Variants in ZNF469 observed in about 807,000 individuals in gnomAD.
ZNF469 encodes the protein zinc finger protein 469.
Under a neutral mutation model 1.0 loss-of-function variants are expected in ZNF469, and 1 was observed. The observed-to-expected ratio is 1.00, with a 90% CI of 0.35 to 4.73. The LOEUF is 4.73. ZNF469 is among the 30% of genes most tolerant of loss of function. The probability of loss-of-function intolerance (pLI) is 0.16; values close to 1 mark genes in which losing one functional copy is unlikely to be tolerated. For missense variants in ZNF469, 6,100 were observed against 5,356.3 expected, an observed-to-expected ratio of 1.14 and a Z score of -4.33; for synonymous variants, 2,703 against 2,363.4, an observed-to-expected ratio of 1.14 and a Z score of -4.17.
At chr16:88,330,590 G>A in the ZNF469 span, among the ~76,000 whole-genome samples, 2 of 152,226 alleles carry the variant, frequency 1.3e-5, no homozygotes, top group Middle Eastern at 3.2e-3. Flanking sequence ...ATGGACAGAG[G>A]GACTAAGAAA....
chr16:88,231,623 C>T, the ZNF469 span, among the ~76,000 whole-genome samples: 2 of 152,268 alleles, frequency 1.3e-5, no homozygotes, highest in Middle Eastern at 3.4e-3. This position sits in a 1 kb window ranked among gnomAD's most constrained non-coding sequence, Gnocchi z 4.5. Context: ...CATGGCCCTT[C>T]CTCCACCTTC....
At chr16:88,184,563 G>A in the ZNF469 span, among the ~76,000 whole-genome samples, 1 of 151,866 alleles carries the variant, frequency 6.6e-6, no homozygotes, top group African/African-American at 2.4e-5. Flanking sequence ...GCTGTGGCTC[G>A]AGGTGTGGAC....
At chr16:88,292,810 A>AC in the ZNF469 span, among the ~76,000 whole-genome samples, 2 of 151,450 alleles carry the variant, frequency 1.3e-5, no homozygotes, top group East Asian at 3.9e-4. Flanking sequence ...AAAAAAAAAA[A>AC]AAAAAAAAAC....
At chr16:88,112,703 C>T in the ZNF469 span, among the ~76,000 whole-genome samples, 3 of 149,486 alleles carry the variant, frequency 2.0e-5, no homozygotes, top group Non-Finnish European at 3.0e-5. Context: ...GATGAGTAGT[C>T]TGAAAATATT....
the ZNF469 span, among the ~76,000 whole-genome samples, chr16:88,249,787 G>A: frequency 6.6e-6 from 1 of 152,076 alleles, no homozygotes; most frequent in Admixed American, 6.5e-5. Context: ...GCCCTGGCTG[G>A]TCTGGGCTCA....
the ZNF469 span, among the ~76,000 whole-genome samples, chr16:88,226,733 C>G: frequency 1.3e-5 from 2 of 148,626 alleles, no homozygotes; most frequent in Non-Finnish European, 3.0e-5. Context: ...GAAACAGGCC[C>G]TGCCCGCCCC....
At chr16:88,119,210 C>A in the ZNF469 span, among the ~76,000 whole-genome samples, 21 of 152,290 alleles carry the variant, frequency 1.4e-4, 2 homozygotes, top group South Asian at 4.1e-3. Flanking sequence ...TTGTATCAGC[C>A]GAGGCGGTCT....
chr16:88,274,443 A>T, the ZNF469 span, among the ~76,000 whole-genome samples: 2 of 152,272 alleles, frequency 1.3e-5, no homozygotes, highest in Non-Finnish European at 2.9e-5. Flanking sequence ...AGATAGAAAT[A>T]TAAGTCTCAT....
chr16:88,289,225 GTGA>G, the ZNF469 span, among the ~76,000 whole-genome samples: 1 of 107,686 alleles, frequency 9.3e-6, no homozygotes, highest in East Asian at 2.3e-4. Context: ...GATGATGAGG[GTGA>G]TGATGATGAT....
Position 88,433,976 on chromosome 16 carries a change from C to T in ZNF469, c.6506C>T (p.Ser2169Phe), listed in dbSNP as rs935820724. The change falls in exon 3 of 3, where the codon TCT (serine) becomes TTT (phenylalanine). Residue 2169 changes from serine to phenylalanine, a missense_variant. Ser to Phe is a radical substitution (Grantham distance 155). Transcript: ENST00000565624. ...PPGPQQLLAC[S>F]PAWAPLEEAD... ...GGCCCCCAGCAGCTGCTGGCCTGTTCTCCTGCCTGGGCACCTCTGGAAGAG... is the reference window on the plus strand; with the variant it reads ...GGCCCCCAGCAGCTGCTGGCCTGTTTTCCTGCCTGGGCACCTCTGGAAGAG... The T allele has an allele frequency of 1.3e-6, 2 of 1,550,174 alleles. No homozygotes were observed. The highest frequency in any genetic ancestry group is 1.4e-5 in the African/African-American group (1 of 73,060).
At chr16:88,382,198 G>A (rs963514336), upstream of ZNF469, among the ~76,000 whole-genome samples, 3 of 152,258 alleles carry the variant, frequency 2.0e-5, no homozygotes, top group African/African-American at 7.2e-5. Context: ...CCCTGTCTGG[G>A]ACAGCCGGGG....
chr16:88,433,950 C>G lies in ZNF469; in HGVS notation c.6480C>G (p.Pro2160=). The G allele has an allele frequency of 6.5e-7, 1 of 1,550,188 alleles. No individual in the cohort carries two copies. The highest frequency in any genetic ancestry group is 8.7e-7 in the Non-Finnish European group (1 of 1,146,910). ...LPASPSCRDP[P]GPQQLLACSP... is the part of the protein sequence containing the mutation. ...CATCTCCGTCCTGCAGGGACCCTCCCGGCCCCCAGCAGCTGCTGGCCTGTT... is the reference window on the plus strand; with the variant it reads ...CATCTCCGTCCTGCAGGGACCCTCCGGGCCCCCAGCAGCTGCTGGCCTGTT... Residue 2160 remains proline, a synonymous_variant, in exon 3 of 3, where the codon CCC becomes CCG. Transcript: ENST00000565624.
the ZNF469 span, among the ~76,000 whole-genome samples, chr16:88,358,700 T>C: frequency 6.6e-6 from 1 of 152,084 alleles, no homozygotes; most frequent in Non-Finnish European, 1.5e-5. Context: ...TTGTTTTAAT[T>C]AATTTATTTT....
At chr16:88,340,670 G>A in the ZNF469 span, among the ~76,000 whole-genome samples, 3 of 152,068 alleles carry the variant, frequency 2.0e-5, no homozygotes, top group African/African-American at 2.4e-5. Context: ...CTTAACAGCC[G>A]GGAGCACAGA....
Position 88,433,809 on chromosome 16 carries a change from C to G in ZNF469, c.6339C>G (p.Cys2113Trp). Residue 2113 changes from cysteine to tryptophan, a missense_variant, in exon 3 of 3, where the codon TGC (cysteine) becomes TGG (tryptophan). Cys to Trp is a radical substitution (Grantham distance 215, BLOSUM62 -2). Coordinates refer to ENST00000565624, the MANE Select transcript of ZNF469 (RefSeq NM_001367624.2). ...CCTCTGTCGGGGACCTGGCCGCCTG[C>G]GCCCCCTCACCCACTTCAGCCGCCC... is the stretch of plus-strand genomic sequence containing the variant. ...PAPSVGDLAA[C>W]APSPTSAAHM... 6.5e-7 allele frequency: 1 copy of G among 1,549,762 alleles called. No individual in the cohort carries two copies.
chr16:88,357,604 G>A, the ZNF469 span, among the ~76,000 whole-genome samples: 2 of 152,176 alleles, frequency 1.3e-5, no homozygotes, highest in Admixed American at 1.3e-4. Flanking sequence ...GCAGGGAGGC[G>A]ATGGCTGAGA....
chr16:88,396,802 G>C (rs1904685710), intron 1 of ZNF469, among the ~76,000 whole-genome samples: 1 of 149,710 alleles, frequency 6.7e-6, no homozygotes, highest in African/African-American at 2.5e-5. Context: ...CCCTTGAGAA[G>C]GGAGGCCAGG....
the ZNF469 span, among the ~76,000 whole-genome samples, chr16:88,369,158 C>A: frequency 6.6e-6 from 1 of 152,118 alleles, no homozygotes; most frequent in Admixed American, 6.5e-5. Flanking sequence ...GGGCGCCATC[C>A]TGAGATGGTG....
the ZNF469 span, among the ~76,000 whole-genome samples, chr16:88,246,250 A>T: frequency 6.6e-6 from 1 of 152,248 alleles, no homozygotes; most frequent in East Asian, 1.9e-4. Flanking sequence ...TCATGTTTTC[A>T]TTCATTTATT....
Sources: gnomAD v4.1 joint callset for allele counts (sites outside exome capture counted in the v4.1 genomes callset) on GRCh38, gnomAD v4.1.1 for gene constraint, Gnocchi (gnomAD v3.1) non-coding constraint, MANE v1.5 for transcripts, NCBI Gene and HGNC (gene_info 2026-07-23, HGNC 2026-07-21) for gene names.